Variants in FBXW8 observed in about 807,000 individuals in gnomAD.
FBXW8 encodes the protein F-box/WD repeat-containing protein 8.
In FBXW8, 57 loss-of-function variants were observed where a neutral mutation model predicts 65.3. The ratio of observed to expected loss-of-function variants is 0.87; its 90% confidence interval spans 0.71 to 1.09. The LOEUF is 1.09. FBXW8 is among the 50% of genes least tolerant of loss of function. The probability of loss-of-function intolerance (pLI) is 0.00; values close to 1 mark genes in which losing one functional copy is unlikely to be tolerated. For synonymous variants in FBXW8, 308 were observed against 330.2 expected, an observed-to-expected ratio of 0.93 and a Z score of 0.73; for missense variants, 777 against 814.8, an observed-to-expected ratio of 0.95 and a Z score of 0.57.
At chr12:116,964,492 G>A (rs979223971) in intron 4 of FBXW8, among the ~76,000 whole-genome samples, 10 of 152,194 alleles carry the variant, frequency 6.6e-5, no homozygotes, top group South Asian at 4.1e-4. Context: ...CCATTGTGCT[G>A]TGAGAATGTG....
Position 116,933,669 on chromosome 12 carries a change from G to A in FBXW8, c.423+5542G>A, listed in dbSNP as rs528948282. Among the ~76,000 whole-genome samples the A allele has an allele frequency of 6.8e-4, 103 of 152,300 alleles. 3 individuals are homozygous for A. The South Asian group carries it at 0.019, about 29-fold the overall frequency. On this transcript the variant is annotated intron_variant, in intron 2 of 10. Coordinates refer to ENST00000652555, the MANE Select transcript of FBXW8 (RefSeq NM_153348.3). Reference sequence around the variant, plus strand: ...TATTCTTAAACAGAACCCCGTTAGCGTACAGTGACTAAGTTAGCTGTGATC... The same window carrying A: ...TATTCTTAAACAGAACCCCGTTAGCATACAGTGACTAAGTTAGCTGTGATC...
chr12:117,010,311 T>C lies in FBXW8; in HGVS notation c.1240-12T>C, dbSNP rs1225829908. 1.2e-6 allele frequency: 2 copies of C among 1,614,198 alleles called. No homozygotes were observed. The highest frequency in any genetic ancestry group is 2.7e-5 in the African/African-American group (2 of 75,066). On this transcript the variant is annotated splice_polypyrimidine_tract_variant and intron_variant, in intron 7 of 10. Coordinates refer to ENST00000652555, the MANE Select transcript of FBXW8 (RefSeq NM_153348.3). The stretch of plus-strand genomic sequence containing the variant: ...GGAATTGTGGGCCCACACATTTCTC[T>C]TCCTCTCTCAGATCCTGGTGTATAG...
intron 5 of FBXW8, among the ~76,000 whole-genome samples, chr12:116,976,415 G>T (rs1321469270): frequency 7.4e-6 from 1 of 134,598 alleles, no homozygotes; most frequent in African/African-American, 2.8e-5. Flanking sequence ...ATGATGATGA[G>T]TACCTAATCT....
chr12:116,946,418 A>C (rs904772018), intron 3 of FBXW8, among the ~76,000 whole-genome samples: 2 of 152,284 alleles, frequency 1.3e-5, no homozygotes, highest in African/African-American at 4.8e-5. Context: ...CCCCAGCACT[A>C]GTGACATTTG....
chr12:116,933,465 G>T (rs1565902886), intron 2 of FBXW8, among the ~76,000 whole-genome samples: 1 of 152,186 alleles, frequency 6.6e-6, no homozygotes, highest in South Asian at 2.1e-4. Context: ...GTACAATGGG[G>T]CTGCATTACA....
intron 7 of FBXW8, among the ~76,000 whole-genome samples, chr12:116,996,763 ATTG>A (rs1163964766): frequency 2.6e-5 from 4 of 152,136 alleles, no homozygotes; most frequent in South Asian, 2.1e-4. Context: ...CAAAGGGTCC[ATTG>A]TTGTTGTGAG....
At chr12:116,927,186 A>G (rs1273862202) in intron 1 of FBXW8, among the ~76,000 whole-genome samples, 5 of 152,064 alleles carry the variant, frequency 3.3e-5, no homozygotes, top group African/African-American at 7.2e-5. Context: ...ACATACATAC[A>G]CTTGGCTTTT....
At chr12:117,005,348 C>G (rs1314395339) in intron 7 of FBXW8, among the ~76,000 whole-genome samples, 1 of 152,216 alleles carries the variant, frequency 6.6e-6, no homozygotes, top group Non-Finnish European at 1.5e-5. Context: ...GTAACTGACA[C>G]TGTACCTGGC....
chr12:116,945,614 AT>A, intron 3 of FBXW8, 86 bp downstream of exon 3: 6 of 1,382,796 alleles, frequency 4.3e-6, no homozygotes, highest in Non-Finnish European at 6.0e-6. Context: ...CCTGAGATTA[AT>A]TGCCAACAGC....
chr12:116,999,973 T>G (rs1953472657), intron 7 of FBXW8, among the ~76,000 whole-genome samples: 1 of 148,416 alleles, frequency 6.7e-6, no homozygotes, highest in Admixed American at 7.0e-5. Flanking sequence ...ACACAGGGTC[T>G]GCATCTCATT....
rs1884191817 is a variant in FBXW8, at chr12:116,964,545, C to T, written c.678-152C>T. Reference sequence around the variant, plus strand: ...TCTGTCATCTAGTTGACATTTTCTCCTGTTGGAGTCACTCATCTAAACAGT... The same window carrying T: ...TCTGTCATCTAGTTGACATTTTCTCTTGTTGGAGTCACTCATCTAAACAGT... On this transcript the variant is annotated intron_variant, in intron 4 of 10. Coordinates refer to ENST00000652555, the MANE Select transcript of FBXW8 (RefSeq NM_153348.3). 3 of 746,600 alleles carry T rather than the reference C, an allele frequency of 4.0e-6. No homozygotes were observed. In the East Asian group the frequency reaches 7.8e-5, roughly 19 times the overall value. The allele number at this position is 746,600 out of a possible 1,614,324, so 46.2% of individuals were successfully genotyped here.
chr12:116,996,627 G>A (rs1362275102), intron 7 of FBXW8, among the ~76,000 whole-genome samples: 3 of 152,066 alleles, frequency 2.0e-5, no homozygotes, highest in Non-Finnish European at 4.4e-5. Context: ...CAAAGTAAAT[G>A]TCTAATTTCA....
chr12:116,930,092 A>G (rs1292691587), intron 2 of FBXW8, among the ~76,000 whole-genome samples: 1 of 151,858 alleles, frequency 6.6e-6, no homozygotes, highest in Admixed American at 6.6e-5. Context: ...TTATCTGTTG[A>G]TTCTGTATCT....
intron 8 of FBXW8, among the ~76,000 whole-genome samples, chr12:117,018,027 A>C (rs1412377725): frequency 6.6e-6 from 1 of 152,104 alleles, no homozygotes; most frequent in Non-Finnish European, 1.5e-5. Flanking sequence ...TGTTATAATA[A>C]GTTATTCAGA....
intron 8 of FBXW8, among the ~76,000 whole-genome samples, chr12:117,013,350 A>G (rs1265177319): frequency 1.3e-5 from 2 of 152,304 alleles, no homozygotes; most frequent in East Asian, 1.9e-4. Flanking sequence ...CCTCGCTGGG[A>G]GGGAAGGCTT....
chr12:116,988,600 T>C (rs1953155633), intron 6 of FBXW8, 63 bp from the exon 7 acceptor site: 2 of 1,425,324 alleles, frequency 1.4e-6, no homozygotes, highest in South Asian at 1.2e-5. Flanking sequence ...GTAGGTGGAA[T>C]TGCATATTTT....
At chr12:116,984,298 A>C (rs1358730628) in intron 5 of FBXW8, among the ~76,000 whole-genome samples, 4 of 152,124 alleles carry the variant, frequency 2.6e-5, no homozygotes, top group African/African-American at 7.2e-5. Flanking sequence ...CTGCATTTCT[A>C]ATAAGTCGCC....
chr12:116,963,488 C>T (rs1013961055), intron 4 of FBXW8, among the ~76,000 whole-genome samples: 1 of 152,270 alleles, frequency 6.6e-6, no homozygotes, highest in African/African-American at 2.4e-5. Flanking sequence ...CCTATAATCC[C>T]AGCTACTTGG....
At chr12:116,953,579 G>A (rs967038940) in intron 4 of FBXW8, among the ~76,000 whole-genome samples, 5 of 151,720 alleles carry the variant, frequency 3.3e-5, no homozygotes, top group Non-Finnish European at 7.4e-5. Context: ...AGACCATCCT[G>A]GCTAACACGG....
Sources: gnomAD v4.1 joint callset for allele counts (sites outside exome capture counted in the v4.1 genomes callset) on GRCh38, gnomAD v4.1.1 for gene constraint, MANE v1.5 for transcripts, NCBI Gene and HGNC (gene_info 2026-07-23, HGNC 2026-07-21) for gene names.